FAR2: variants seen among roughly 807,000 people sequenced by gnomAD.
FAR2 encodes epididymis secretory protein Li 81.
In FAR2, 19 loss-of-function variants were observed where a neutral mutation model predicts 56.0. The observed-to-expected ratio is 0.34, with a 90% CI of 0.24 to 0.50. The LOEUF is 0.50. FAR2 is among the 20% of genes least tolerant of loss of function. FAR2 has a pLI of 0.98. For synonymous variants in FAR2, 219 were observed against 218.8 expected (o/e 1.00, Z -0.01); for missense variants, 508 against 642.2 (o/e 0.79, Z 2.26).
chr12:29,218,371 G>C (rs1205540482), intron 1 of FAR2, among the ~76,000 whole-genome samples: 1 of 140,518 alleles, frequency 7.1e-6, no homozygotes, highest in Non-Finnish European at 1.6e-5. Flanking sequence ...AAAAAAAAAA[G>C]ATGGGCTTGA....
intron 1 of FAR2, among the ~76,000 whole-genome samples, chr12:29,203,545 T>C (rs749945599): frequency 2.0e-5 from 3 of 152,200 alleles, no homozygotes; most frequent in Non-Finnish European, 2.9e-5. Context: ...TAGGCCTGTA[T>C]GGTCATCCAC....
At chr12:29,194,838 T>C (rs940803566) in intron 1 of FAR2, among the ~76,000 whole-genome samples, 4 of 152,144 alleles carry the variant, frequency 2.6e-5, no homozygotes, top group Non-Finnish European at 4.4e-5. Context: ...GCTGAAAAGA[T>C]GTCTGCAGTC....
chr12:29,151,246 C>A (rs1949679356), intron 1 of FAR2: 1 of 152,084 alleles, frequency 6.6e-6, no homozygotes, highest in Non-Finnish European at 1.5e-5. Context: ...CATGCTTGTC[C>A]CTACCAATAT....
At chr12:29,333,001 C>CT (rs1300135016) in intron 11 of FAR2, 1 of 466,876 alleles carries the variant, frequency 2.1e-6, no homozygotes, top group East Asian at 5.0e-5. Flanking sequence ...CATAGTAAGT[C>CT]TAAGAGCCAG....
chr12:29,197,212 C>G (rs1950151048), intron 1 of FAR2, among the ~76,000 whole-genome samples: 1 of 152,186 alleles, frequency 6.6e-6, no homozygotes, highest in South Asian at 2.1e-4. Flanking sequence ...TCATAAGCTA[C>G]TTAGTCCTTA....
intron 1 of FAR2, among the ~76,000 whole-genome samples, chr12:29,153,412 C>T (rs189706220): frequency 6.6e-5 from 10 of 152,278 alleles, no homozygotes; most frequent in East Asian, 1.9e-4. Context: ...TAAGAGAAAA[C>T]GCTTGCAGCA....
At chr12:29,246,414 AT>A (rs1432239669) in intron 1 of FAR2, among the ~76,000 whole-genome samples, 1 of 152,092 alleles carries the variant, frequency 6.6e-6, no homozygotes, top group African/African-American at 2.4e-5. Flanking sequence ...CCCTCAGAAA[AT>A]AGGCAGGAAT....
chr12:29,185,910 GAAAA>G, intron 1 of FAR2, among the ~76,000 whole-genome samples: 1 of 152,084 alleles, frequency 6.6e-6, no homozygotes, highest in Non-Finnish European at 1.5e-5. Flanking sequence ...TAGACAGAAG[GAAAA>G]ACTGATGTTC....
intron 1 of FAR2, among the ~76,000 whole-genome samples, chr12:29,150,768 T>A (rs1463086196): frequency 6.6e-6 from 1 of 152,212 alleles, no homozygotes; most frequent in Non-Finnish European, 1.5e-5. Context: ...TTTACAGTAC[T>A]CTTTTCCTAA....
intron 1 of FAR2, among the ~76,000 whole-genome samples, chr12:29,190,278 G>C (rs10843341): frequency 0.18 from 27,092 of 150,584 alleles, 2,526 homozygotes; most frequent in Non-Finnish European, 0.21. Flanking sequence ...TTGAAGCCAG[G>C]GGGCTAGATG....
intron 2 of FAR2, among the ~76,000 whole-genome samples, chr12:29,287,250 C>T (rs753543374): frequency 1.3e-5 from 2 of 152,082 alleles, no homozygotes; most frequent in Non-Finnish European, 2.9e-5. Flanking sequence ...TGCTATATGC[C>T]GAAAGTTGAC....
chr12:29,245,300 A>G (rs1948110207), intron 1 of FAR2, among the ~76,000 whole-genome samples: 1 of 152,166 alleles, frequency 6.6e-6, no homozygotes, highest in South Asian at 2.1e-4. Context: ...TTTTAAAGTA[A>G]GTCTTCCCAA....
chr12:29,175,761 G>A (rs563945367), intron 1 of FAR2, among the ~76,000 whole-genome samples: 3 of 152,032 alleles, frequency 2.0e-5, no homozygotes, highest in African/African-American at 7.2e-5. Context: ...ATCCTTTAGC[G>A]AGACCCAGAG....
chr12:29,207,921 G>A (rs1947494907), intron 1 of FAR2, among the ~76,000 whole-genome samples: 1 of 152,120 alleles, frequency 6.6e-6, no homozygotes, highest in Non-Finnish European at 1.5e-5. Context: ...ACTTATTTAG[G>A]CCAGGCATGG....
chr12:29,203,574 C>T (rs1407536564), intron 1 of FAR2, among the ~76,000 whole-genome samples: 1 of 152,176 alleles, frequency 6.6e-6, no homozygotes, highest in Non-Finnish European at 1.5e-5. Context: ...TGACTGAATC[C>T]ATTTCATTCC....
chr12:29,257,467 C>T (rs906173095), intron 1 of FAR2, among the ~76,000 whole-genome samples: 4 of 152,302 alleles, frequency 2.6e-5, no homozygotes, highest in Non-Finnish European at 4.4e-5. Context: ...CTGCCCAAGC[C>T]AGCAGTGGCA....
chr12:29,323,997 GA>G (rs1197213961), intron 10 of FAR2, among the ~76,000 whole-genome samples: 1 of 150,746 alleles, frequency 6.6e-6, no homozygotes, highest in Non-Finnish European at 1.5e-5. Context: ...TAAAAACTTT[GA>G]AAAAAAAATT....
At chr12:29,245,817 A>G (rs1480705993) in intron 1 of FAR2, among the ~76,000 whole-genome samples, 1 of 152,122 alleles carries the variant, frequency 6.6e-6, no homozygotes, top group African/African-American at 2.4e-5. Flanking sequence ...CTTTGCACTT[A>G]GAATACACAT....
rs184204056 is a variant in FAR2, at chr12:29,150,561, G to A, written c.-39+1154G>A. ...ATAAGAGCTGGAGATTTGACTGACA[G>A]GTGTAGTTAGTCCAAAATTTAGAAA... On this transcript the variant is annotated intron_variant, in intron 1 of 11. Coordinates refer to ENST00000536681, the MANE Select transcript of FAR2 (RefSeq NM_001271783.2). Among the ~76,000 whole-genome samples, 296 of 152,318 alleles carry A rather than the reference G, an allele frequency of 1.9e-3. 2 individuals carry two copies. Among genetic ancestry groups the A allele is most frequent in the Admixed American group, 2.2e-3 (34 of 15,300 alleles).
Sources: allele counts gnomAD v4.1 joint callset (sites outside exome capture counted in the v4.1 genomes callset), GRCh38; gene constraint gnomAD v4.1.1; transcripts MANE v1.5; gene names NCBI Gene and HGNC (gene_info 2026-07-23, HGNC 2026-07-21).